The following PES1 variants were observed in gnomAD, a reference collection of about 807,000 sequenced individuals.
PES1 encodes pescadillo ribosomal biogenesis factor 1, also known as pescadillo homolog.
In PES1, 31 loss-of-function variants were observed where a neutral mutation model predicts 77.1. That is an observed-to-expected ratio of 0.40 (90% confidence interval 0.30 to 0.54). The LOEUF (loss-of-function observed/expected upper bound fraction) is 0.54. PES1 is among the 20% of genes least tolerant of loss of function. The pLI, the probability that PES1 is intolerant of heterozygous loss-of-function variation, is 0.45. For missense variants in PES1, 658 were observed against 771.7 expected (o/e 0.85, Z 1.75); for synonymous variants, 282 against 303.0 (o/e 0.93, Z 0.72).
At chr22:30,589,353 C>CCTCTGG in intron 1 of PES1, 83 bp from the exon 2 acceptor site, 3 of 1,119,986 alleles carry the variant, frequency 2.7e-6, no homozygotes, top group Non-Finnish European at 4.0e-6. Context: ...GTTCCAGAGG[C>CCTCTGG]AACTATCACT....
Position 30,583,341 on chromosome 22 carries a change from A to C in PES1, c.630+1024T>G, listed in dbSNP as rs77601687. Among the ~76,000 whole-genome samples the C allele has an allele frequency of 9.8e-3, 1,491 of 152,306 alleles. 14 individuals carry two copies. Among genetic ancestry groups the C allele is most frequent in the Non-Finnish European group, 0.014 (984 of 67,998 alleles). ...GGTTCCAGTCCTTGCAACCCCACCC[A>C]CAAGGGATCATAAGTAACAGCCCAG... On this transcript the variant is annotated intron_variant, in intron 6 of 14. Coordinates refer to ENST00000354694, the MANE Select transcript of PES1 (RefSeq NM_014303.4).
intron 2 of PES1, among the ~76,000 whole-genome samples, chr22:30,604,897 C>T (rs1018373321): frequency 6.6e-6 from 1 of 152,084 alleles, no homozygotes; most frequent in Non-Finnish European, 1.5e-5. Context: ...AAATAGAAAT[C>T]CTGATCTAAA....
upstream of PES1, among the ~76,000 whole-genome samples, chr22:30,593,602 C>A (rs1202624489): frequency 6.6e-6 from 1 of 152,182 alleles, no homozygotes; most frequent in African/African-American, 2.4e-5. Context: ...GTGGCCTGGG[C>A]AGTCATCTCA....
At chr22:30,602,420 G>A (rs974757660) in intron 2 of PES1, among the ~76,000 whole-genome samples, 5 of 144,438 alleles carry the variant, frequency 3.5e-5, no homozygotes, top group Non-Finnish European at 4.5e-5. Flanking sequence ...TTTCTTTATA[G>A]CAGTGTGAAA....
chr22:30,603,466 C>T (rs2087389502), intron 2 of PES1, among the ~76,000 whole-genome samples: 1 of 152,150 alleles, frequency 6.6e-6, no homozygotes, highest in South Asian at 2.1e-4. Flanking sequence ...ACTGCAACCT[C>T]TGGCCCCCAG....
chr22:30,591,855 C>CT lies in PES1; in HGVS notation c.-23dup. The CT allele has an allele frequency of 6.4e-7, 1 of 1,550,588 alleles. No individual in the cohort carries two copies. Among genetic ancestry groups the CT allele is most frequent in the Non-Finnish European group, 8.7e-7 (1 of 1,148,204 alleles). ...CCATCGCTCCACGTTGAGGAGCCGACTAGGGCCGCGCGTACAGGGAGCTCC... is the reference window on the plus strand; with the variant it reads ...CCATCGCTCCACGTTGAGGAGCCGACTTAGGGCCGCGCGTACAGGGAGCTCC... On this transcript the variant is annotated 5_prime_UTR_variant, in exon 1 of 15. Transcript: ENST00000354694.
intron 1 of PES1, among the ~76,000 whole-genome samples, chr22:30,590,865 A>AT (rs2087164797): frequency 6.6e-6 from 1 of 152,216 alleles, no homozygotes; most frequent in Non-Finnish European, 1.5e-5. Flanking sequence ...ATTTTGTTAC[A>AT]TATCTACATC....
intron 4 of PES1, 45 bp from the exon 5 acceptor site, chr22:30,584,762 T>TCCCCCTTG: frequency 6.3e-7 from 1 of 1,597,698 alleles, no homozygotes; most frequent in Non-Finnish European, 8.5e-7. Context: ...TCAGCGTGGG[T>TCCCCCTTG]GCCAAGGGGG....
chr22:30,588,610 T>C (rs1317848192), intron 2 of PES1, among the ~76,000 whole-genome samples: 1 of 151,872 alleles, frequency 6.6e-6, no homozygotes, highest in Admixed American at 6.6e-5. Context: ...AAATCCCATC[T>C]CTACTAAAAA....
At position 30,583,900 on chromosome 22, in the gene PES1, G is replaced by A. The variant is rs372366455; in HGVS notation, c.630+465C>T. 6.2e-4 allele frequency among the ~76,000 whole-genome samples: 95 copies of A among 152,390 alleles called. No homozygotes were observed. In the South Asian group the frequency reaches 0.019, roughly 30 times the overall value. On this transcript the variant is annotated intron_variant, in intron 6 of 14. Coordinates refer to ENST00000354694, the MANE Select transcript of PES1 (RefSeq NM_014303.4). ...CAGGAAGGGGGAAGCAGAGAAGGGA[G>A]GCAAGGCCACTTGGCCAAGGTCTGG...
At chr22:30,598,832 C>T (rs1461119568) in intron 2 of PES1, among the ~76,000 whole-genome samples, 1 of 143,580 alleles carries the variant, frequency 7.0e-6, no homozygotes, top group Non-Finnish European at 1.5e-5. Flanking sequence ...AATAAATACT[C>T]GTAAATTAAG....
rs2087117432 is a variant in PES1, at chr22:30,588,004, T to G, written c.258+17A>C. 1.9e-6 allele frequency: 3 copies of G among 1,612,806 alleles called. No homozygotes were observed. The highest frequency in any genetic ancestry group is 2.5e-6 in the Non-Finnish European group (3 of 1,179,768). On this transcript the variant is annotated intron_variant, in intron 3 of 14. Coordinates refer to ENST00000354694, the MANE Select transcript of PES1 (RefSeq NM_014303.4). ...GCTGCGATGAGAACCTGACAGACCC[T>G]AGAGCCCAGACCTCACCTTGTATTC...
upstream of PES1, chr22:30,591,912 C>G (rs960045316): frequency 7.4e-5 from 112 of 1,504,256 alleles, no homozygotes; most frequent in Non-Finnish European, 9.5e-5. Context: ...GCCAAGGACC[C>G]CGAGGACCCT....
At chr22:30,579,533 G>A (rs1035732954) in intron 12 of PES1, 1 of 709,806 alleles carries the variant, frequency 1.4e-6, no homozygotes. Context: ...AAACTCTGAT[G>A]ACAATGCAGC....
intron 2 of PES1, chr22:30,605,399 C>A (rs1027674678): frequency 2.1e-6 from 2 of 957,538 alleles, no homozygotes; most frequent in Non-Finnish European, 2.5e-6. Context: ...TCCTTTACTT[C>A]GACACCCTAA....
chr22:30,581,547 T>C lies in PES1; in HGVS notation c.728A>G (p.Asn243Ser), dbSNP rs767357064. The C allele has an allele frequency of 2.5e-6, 4 of 1,613,570 alleles. No individual in the cohort carries two copies. In the South Asian group the frequency reaches 4.4e-5, roughly 18 times the overall value. The change falls in exon 7 of 15, where the codon AAC becomes AGC. Residue 243 changes from asparagine (N) to serine (S), a missense_variant. Coordinates refer to ENST00000354694, the MANE Select transcript of PES1 (RefSeq NM_014303.4). ...FVNFRLYQLL[N>S]LHYPPKLEGQ... is the part of the protein sequence containing the mutation. ...TCCTACCTTCGGGGGATAGTGGAGG[T>C]TGAGCAACTGGTAAAGGCGGAAGTT...
At chr22:30,579,436 T>C (rs2086948692) in intron 12 of PES1, 133 bp from the exon 13 acceptor site, 1 of 1,451,412 alleles carries the variant, frequency 6.9e-7, no homozygotes, top group Non-Finnish European at 9.3e-7. Flanking sequence ...GTCCCAATTG[T>C]GGCCCTCTCT....
rs770143244 is a variant in PES1 at position 30,577,034 on chromosome 22, G to A, written c.*12C>T. The stretch of plus-strand genomic sequence containing the variant: ...AGGGGCTGGCCTCAGCCCTGTGAGG[G>A]GCCGCAGGCACTCACTCCGGCCTTG... On this transcript the variant is annotated 3_prime_UTR_variant, in exon 15 of 15. Transcript: ENST00000354694. 3.1e-6 allele frequency: 5 copies of A among 1,611,264 alleles called. No homozygotes were observed. Among genetic ancestry groups the A allele is most frequent in the Non-Finnish European group, 4.2e-6 (5 of 1,178,066 alleles).
chr22:30,584,833 C>T, intron 4 of PES1, 116 bp from the exon 5 acceptor site: 1 of 1,026,586 alleles, frequency 9.7e-7, no homozygotes, highest in East Asian at 2.6e-5. Flanking sequence ...TCACCACTGC[C>T]ACCTCCTGAC....
Sources: allele counts gnomAD v4.1 joint callset (sites outside exome capture counted in the v4.1 genomes callset), GRCh38; gene constraint gnomAD v4.1.1; transcripts MANE v1.5; gene names NCBI Gene and HGNC (gene_info 2026-07-23, HGNC 2026-07-21).